PAWR: variants seen among roughly 807,000 people sequenced by gnomAD.
PAWR encodes PRKC apoptosis WT1 regulator protein.
A neutral mutation model predicts 32.0 loss-of-function variants in PAWR; 23 were observed. The ratio of observed to expected loss-of-function variants is 0.72; its 90% CI spans 0.52 to 1.02. The LOEUF (loss-of-function observed/expected upper bound fraction) is 1.02, where lower values mean the gene tolerates loss of function less well. Among genes scored for constraint, PAWR ranks in the 50% least tolerant of loss-of-function variants. The pLI, the probability that PAWR is intolerant of heterozygous loss-of-function variation, is 0.00. For synonymous variants in PAWR, 226 were observed against 187.1 expected (o/e 1.21, Z -1.70); for missense variants, 457 against 437.7 (o/e 1.04, Z -0.39).
At chr12:79,645,731 C>T (rs188593546) in intron 2 of PAWR, among the ~76,000 whole-genome samples, 179 of 152,282 alleles carry the variant, frequency 1.2e-3, no homozygotes, top group Non-Finnish European at 2.4e-3. Flanking sequence ...TCAATGATAA[C>T]ATTATTAATA....
In PAWR at chr12:79,632,341, ATATATATATATATATATATATTT is replaced by A. The variant is rs1566011049; in HGVS notation, c.517-11157_517-11135del. On this transcript the variant is annotated intron_variant, in intron 2 of 6. Coordinates refer to ENST00000328827, the MANE Select transcript of PAWR (RefSeq NM_002583.4). ...TATATATATATATATATATATATAT[ATATATATATATATATATATATTT>A]TTTTTTTTTTTTAGACAGGGTCTTG... 1.2e-4 allele frequency among the ~76,000 whole-genome samples: 7 copies of A among 57,004 alleles called. No homozygotes were observed. The African/African-American group carries it at 2.6e-3, about 21-fold the overall frequency. 37.4% of individuals were successfully genotyped at this position (57,004 alleles called of 152,430 possible). A position where few individuals can be genotyped will look rare whatever the true frequency, so the allele number is the denominator to read the frequency against.
intron 2 of PAWR, among the ~76,000 whole-genome samples, chr12:79,671,536 T>G (rs12231715): frequency 0.12 from 17,915 of 152,250 alleles, 1,141 homozygotes; most frequent in Non-Finnish European, 0.14. Context: ...GAATGGGTAT[T>G]GGATCTTGTC....
intron 4 of PAWR, among the ~76,000 whole-genome samples, chr12:79,599,689 G>T (rs1476121467): frequency 6.6e-6 from 1 of 152,202 alleles, no homozygotes; most frequent in African/African-American, 2.4e-5. Context: ...TTATTTGTCT[G>T]AGAGTTAGTC....
chr12:79,664,106 G>C (rs1178175824), intron 2 of PAWR, among the ~76,000 whole-genome samples: 1 of 152,122 alleles, frequency 6.6e-6, no homozygotes, highest in Non-Finnish European at 1.5e-5. Context: ...GTCATAGTGA[G>C]AAATGTGGGA....
intron 2 of PAWR, among the ~76,000 whole-genome samples, chr12:79,671,618 T>G (rs1183139667): frequency 6.6e-6 from 1 of 152,240 alleles, no homozygotes; most frequent in Non-Finnish European, 1.5e-5. Context: ...CCATGTTAAT[T>G]GTTTAGTTTC....
intron 4 of PAWR, among the ~76,000 whole-genome samples, chr12:79,599,358 C>T (rs1326164023): frequency 6.6e-6 from 1 of 152,170 alleles, no homozygotes. Flanking sequence ...ACTGTGAATT[C>T]AGCTGATATA....
At chr12:79,640,249 A>G (rs1435839011) in intron 2 of PAWR, among the ~76,000 whole-genome samples, 1 of 151,316 alleles carries the variant, frequency 6.6e-6, no homozygotes, top group African/African-American at 2.4e-5. Flanking sequence ...AAAGAGCAAG[A>G]CTCCTTATTT....
At chr12:79,654,635 T>C (rs1234232961) in intron 2 of PAWR, among the ~76,000 whole-genome samples, 1 of 152,186 alleles carries the variant, frequency 6.6e-6, no homozygotes, top group African/African-American at 2.4e-5. Context: ...GTAAGAGGTT[T>C]AATTGACTCA....
At chr12:79,624,121 ATTAGC>A (rs904196282) in intron 2 of PAWR, among the ~76,000 whole-genome samples, 32 of 152,200 alleles carry the variant, frequency 2.1e-4, no homozygotes, top group African/African-American at 7.7e-4. Flanking sequence ...CTCCAACATC[ATTAGC>A]TTAAAGTTGG....
At chr12:79,653,285 C>T (rs1033071305) in intron 2 of PAWR, among the ~76,000 whole-genome samples, 1 of 152,192 alleles carries the variant, frequency 6.6e-6, no homozygotes, top group African/African-American at 2.4e-5. Context: ...ATCCACCGGC[C>T]TTGGCTTCCC....
At chr12:79,632,642 T>C (rs889855002) in intron 2 of PAWR, among the ~76,000 whole-genome samples, 1 of 151,680 alleles carries the variant, frequency 6.6e-6, no homozygotes, top group African/African-American at 2.4e-5. Flanking sequence ...GTTCTGGGAT[T>C]ATAGGCGTGC....
chr12:79,635,348 T>C (rs1212306730), intron 2 of PAWR, among the ~76,000 whole-genome samples: 2 of 152,066 alleles, frequency 1.3e-5, no homozygotes, highest in Non-Finnish European at 1.5e-5. Flanking sequence ...TGAAATTCTG[T>C]GGAGGCATTT....
chr12:79,667,708 TAA>T (rs1357064951), intron 2 of PAWR, among the ~76,000 whole-genome samples: 1 of 152,164 alleles, frequency 6.6e-6, no homozygotes, highest in Non-Finnish European at 1.5e-5. Flanking sequence ...CTTTTAAAAA[TAA>T]GAGTCCTTAT....
Position 79,632,296 on chromosome 12 carries a change from CATATATATATACATACATATATAT to C in PAWR, c.517-11113_517-11090del, listed in dbSNP as rs1242406977. 1.7e-3 allele frequency: 62 copies of C among 36,774 alleles called. 8 individuals carry two copies. The highest frequency in any genetic ancestry group is 4.0e-3 in the South Asian group (4 of 992). The allele number at this position is 36,774 out of a possible 1,614,324, so 2.3% of individuals were successfully genotyped here. A position where few individuals can be genotyped will look rare whatever the true frequency, so the allele number is the denominator to read the frequency against. On this transcript the variant is annotated intron_variant, in intron 2 of 6. Coordinates refer to ENST00000328827, the MANE Select transcript of PAWR (RefSeq NM_002583.4). ...TAGAGTCCAGAAATAGAAATATATACATATATATATACATACATATATATATATATATATATATATATATATATA... is the reference window on the plus strand; with the variant it reads ...TAGAGTCCAGAAATAGAAATATATACATATATATATATATATATATATATA...
At chr12:79,650,819 C>T (rs573642249) in intron 2 of PAWR, among the ~76,000 whole-genome samples, 17 of 151,616 alleles carry the variant, frequency 1.1e-4, no homozygotes, top group Non-Finnish European at 2.1e-4. Context: ...CAAGGTGCTG[C>T]TAATGTAGTT....
chr12:79,625,214 A>G lies in PAWR; in HGVS notation c.517-4007T>C, dbSNP rs1049218527. Among the ~76,000 whole-genome samples, 8 of 152,064 alleles carry G rather than the reference A, an allele frequency of 5.3e-5. No individual in the cohort carries two copies. In the East Asian group the frequency reaches 1.6e-3, roughly 30 times the overall value. On this transcript the variant is annotated intron_variant, in intron 2 of 6. Transcript: ENST00000328827. ...CCATTTCTCTATAGGTTAATCTTTT[A>G]TTTTTCAGTTGTTTATATATTAGGA...
intron 3 of PAWR, among the ~76,000 whole-genome samples, chr12:79,616,082 TC>T (rs1477855302): frequency 6.6e-6 from 1 of 151,722 alleles, no homozygotes; most frequent in Non-Finnish European, 1.5e-5. Context: ...AAAAAGTTTT[TC>T]CCCTGGTAGT....
intron 2 of PAWR, among the ~76,000 whole-genome samples, chr12:79,643,571 T>C (rs1356708549): frequency 1.3e-5 from 2 of 152,142 alleles, no homozygotes; most frequent in African/African-American, 4.8e-5. Context: ...CTAATTCTGA[T>C]GTTTCAACAA....
At chr12:79,616,564 CA>C (rs1196687797) in intron 3 of PAWR, among the ~76,000 whole-genome samples, 4 of 152,134 alleles carry the variant, frequency 2.6e-5, no homozygotes, top group African/African-American at 9.7e-5. Flanking sequence ...AGGGCATTTT[CA>C]GCAACTCTAA....
Sources: gnomAD v4.1 joint callset for allele counts (sites outside exome capture counted in the v4.1 genomes callset) on GRCh38, gnomAD v4.1.1 for gene constraint, MANE v1.5 for transcripts, NCBI Gene and HGNC (gene_info 2026-07-23, HGNC 2026-07-21) for gene names.